Variants in GPC6 observed in about 807,000 individuals in gnomAD.
The protein encoded by GPC6 is glypican-6.
In GPC6, 14 loss-of-function variants were observed where a neutral mutation model predicts 55.2. The observed-to-expected ratio is 0.25, with a 90% CI of 0.17 to 0.40. GPC6 has a LOEUF of 0.40. GPC6 is among the 10% of genes least tolerant of loss of function. GPC6 has a pLI of 1.00. For missense variants in GPC6, 641 were observed against 708.5 expected (o/e 0.90, Z 1.08); for synonymous variants, 278 against 259.6 (o/e 1.07, Z -0.68).
At chr13:94,351,962 C>CAAAAAAAAAAAAAAAAAAAAAA (rs60206836) in intron 6 of GPC6, among the ~76,000 whole-genome samples, 4 of 101,544 alleles carry the variant, frequency 3.9e-5, no homozygotes, top group African/African-American at 8.5e-5. Flanking sequence ...GAGAAGAAGG[C>CAAAAAAAAAAAAAAAAAAAAAA]AAAAAAAAAA....
At chr13:93,267,149 T>G (rs1013686751) in intron 1 of GPC6, among the ~76,000 whole-genome samples, 2 of 152,210 alleles carry the variant, frequency 1.3e-5, no homozygotes, top group African/African-American at 4.8e-5. Context: ...TGTGGAGATT[T>G]ACATGTTAGA....
At position 94,389,563 on chromosome 13, in the gene GPC6, T is replaced by C. The variant is rs148132518; in HGVS notation, c.1289+7013T>C. On this transcript the variant is annotated intron_variant, in intron 7 of 8. Coordinates refer to ENST00000377047, the MANE Select transcript of GPC6 (RefSeq NM_005708.5). ...TTGCTTTTTTAGAACATAGCCATGT[T>C]AAACTGCATCACCTCTAACTTCTTG... Among the ~76,000 whole-genome samples, 31 of 152,320 alleles carry C rather than the reference T, an allele frequency of 2.0e-4. No homozygotes were observed. The South Asian group carries it at 2.7e-3, about 13-fold the overall frequency.
chr13:94,114,089 G>T, intron 4 of GPC6, among the ~76,000 whole-genome samples: 1 of 56,212 alleles, frequency 1.8e-5, no homozygotes, highest in East Asian at 5.8e-4. Flanking sequence ...TTTTACCTTA[G>T]CTTTATCAAA....
At chr13:93,455,908 T>C (rs1042974307) in intron 1 of GPC6, among the ~76,000 whole-genome samples, 3 of 152,226 alleles carry the variant, frequency 2.0e-5, no homozygotes, top group Non-Finnish European at 4.4e-5. Context: ...TCATGGAGTG[T>C]TTCATTTCAG....
chr13:94,362,785 T>C (rs1157847839), intron 6 of GPC6, among the ~76,000 whole-genome samples: 1 of 152,248 alleles, frequency 6.6e-6, no homozygotes, highest in Non-Finnish European at 1.5e-5. Flanking sequence ...TAATAAACTC[T>C]GCTCTTTGGT....
At chr13:93,460,588 CAT>C (rs1878641029) in intron 1 of GPC6, among the ~76,000 whole-genome samples, 1 of 152,044 alleles carries the variant, frequency 6.6e-6, no homozygotes, top group African/African-American at 2.4e-5. Flanking sequence ...GCAGAATTAA[CAT>C]GTAAGTTTTT....
intron 2 of GPC6, among the ~76,000 whole-genome samples, chr13:93,788,062 A>G (rs1275461803): frequency 6.6e-6 from 1 of 152,190 alleles, no homozygotes; most frequent in Non-Finnish European, 1.5e-5. Flanking sequence ...GTATATCACA[A>G]CTATCTAAGT....
At chr13:94,170,014 G>A (rs1468219360) in intron 4 of GPC6, among the ~76,000 whole-genome samples, 1 of 152,116 alleles carries the variant, frequency 6.6e-6, no homozygotes, top group Non-Finnish European at 1.5e-5. Context: ...CTTATTTTGT[G>A]GCACAGAGTT....
intron 4 of GPC6, among the ~76,000 whole-genome samples, chr13:94,162,894 T>C (rs1888218068): frequency 6.6e-6 from 1 of 152,162 alleles, no homozygotes; most frequent in Non-Finnish European, 1.5e-5. Flanking sequence ...AATGACACCA[T>C]GGACATGGAC....
chr13:94,061,376 C>T (rs186638789), intron 4 of GPC6, among the ~76,000 whole-genome samples: 57 of 152,282 alleles, frequency 3.7e-4, no homozygotes, highest in African/African-American at 1.3e-3. Context: ...AAGCAGTTTT[C>T]TGCCATATTG....
intron 7 of GPC6, among the ~76,000 whole-genome samples, chr13:94,396,338 T>C (rs1880896785): frequency 6.6e-6 from 1 of 152,232 alleles, no homozygotes; most frequent in Non-Finnish European, 1.5e-5. Flanking sequence ...GGGTTCATTA[T>C]GTTATTGTCT....
At chr13:93,445,996 T>C (rs893214438) in intron 1 of GPC6, among the ~76,000 whole-genome samples, 4 of 152,198 alleles carry the variant, frequency 2.6e-5, no homozygotes, top group African/African-American at 9.6e-5. Flanking sequence ...AAAGGTTGTC[T>C]ATCAGAATAA....
chr13:93,407,901 A>G (rs1346368064), intron 1 of GPC6, among the ~76,000 whole-genome samples: 2 of 152,192 alleles, frequency 1.3e-5, no homozygotes, highest in Non-Finnish European at 2.9e-5. Context: ...TTTCCCATTT[A>G]AATATTCAGT....
intron 4 of GPC6, among the ~76,000 whole-genome samples, chr13:94,228,747 A>C (rs1377983455): frequency 1.3e-5 from 2 of 151,546 alleles, no homozygotes; most frequent in Non-Finnish European, 2.9e-5. Flanking sequence ...CCCATCCTCC[A>C]GTGGGGTTTG....
intron 2 of GPC6, among the ~76,000 whole-genome samples, chr13:93,688,726 G>A (rs142617891): frequency 8.9e-4 from 135 of 152,138 alleles, no homozygotes; most frequent in African/African-American, 1.8e-3. Flanking sequence ...GGGCAAATTC[G>A]TAGAGAAAGA....
chr13:93,742,276 G>T (rs1884233433), intron 2 of GPC6, among the ~76,000 whole-genome samples: 1 of 152,098 alleles, frequency 6.6e-6, no homozygotes, highest in Non-Finnish European at 1.5e-5. Flanking sequence ...TATAAATATT[G>T]TTGAGTTTAA....
At position 93,986,685 on chromosome 13, in the gene GPC6, A is replaced by C. The variant is rs575436380; in HGVS notation, c.712-41044A>C. ...TGAATTGTGGAGAAATATAAAGAAGAGTATGAAGAATAAAATGATCACTAT... is the reference window on the plus strand; with the variant it reads ...TGAATTGTGGAGAAATATAAAGAAGCGTATGAAGAATAAAATGATCACTAT... On this transcript the variant is annotated intron_variant, in intron 3 of 8. Coordinates refer to ENST00000377047, the MANE Select transcript of GPC6 (RefSeq NM_005708.5). Among the ~76,000 whole-genome samples the C allele has an allele frequency of 1.2e-3, 188 of 152,314 alleles. 1 individual carries two copies. The highest frequency in any genetic ancestry group is 2.0e-3 in the Admixed American group (30 of 15,298).
intron 2 of GPC6, among the ~76,000 whole-genome samples, chr13:93,646,306 T>A (rs1380557313): frequency 6.6e-6 from 1 of 152,056 alleles, no homozygotes; most frequent in Non-Finnish European, 1.5e-5. Flanking sequence ...ATGTTTTGAG[T>A]TTAGATTCTG....
At chr13:94,347,949 G>A (rs1293872507) in intron 6 of GPC6, among the ~76,000 whole-genome samples, 3 of 152,238 alleles carry the variant, frequency 2.0e-5, no homozygotes, top group Non-Finnish European at 4.4e-5. Flanking sequence ...CGAAAAGCAT[G>A]CGGACAGCAT....
Sources: gnomAD v4.1 joint callset for allele counts (sites outside exome capture counted in the v4.1 genomes callset) on GRCh38, gnomAD v4.1.1 for gene constraint, MANE v1.5 for transcripts, NCBI Gene and HGNC (gene_info 2026-07-23, HGNC 2026-07-21) for gene names.